Variants in KLF8 observed in about 807,000 individuals in gnomAD.
KLF8 encodes KLF transcription factor 8.
KLF8 carries 10 observed loss-of-function variants against 18.2 expected under a neutral mutation model. That is an observed-to-expected ratio of 0.55 (90% CI 0.34 to 0.93). The LOEUF (loss-of-function observed/expected upper bound fraction) is 0.93, where lower values mean the gene tolerates loss of function less well. Ranked by LOEUF, KLF8 falls within the 40% of genes least tolerant of loss-of-function variation. KLF8 has a pLI of 0.02. For missense variants in KLF8, 264 were observed against 277.9 expected, an observed-to-expected ratio of 0.95 and a Z score of 0.36; for synonymous variants, 109 against 97.3, an observed-to-expected ratio of 1.12 and a Z score of -0.71.
At chrX:55,999,871 A>G in the KLF8 span, among the ~76,000 whole-genome samples, 1 of 112,157 alleles carries the variant, frequency 8.9e-6, no homozygotes, top group Non-Finnish European at 1.9e-5. Flanking sequence ...TAAAACTACC[A>G]GTACTAAGTT....
the KLF8 span, among the ~76,000 whole-genome samples, chrX:56,103,412 G>A: frequency 2.7e-5 from 3 of 111,269 alleles, no homozygotes; most frequent in Non-Finnish European, 5.7e-5. Context: ...AGTTCTCCTT[G>A]AAGAGATCCT....
At chrX:55,952,295 GA>G in the KLF8 span, among the ~76,000 whole-genome samples, 2 of 111,948 alleles carry the variant, frequency 1.8e-5, no homozygotes, top group South Asian at 7.4e-4. Flanking sequence ...CATTTATTTA[GA>G]AAACATTAAA....
At chrX:56,158,922 T>C in the KLF8 span, among the ~76,000 whole-genome samples, 1 of 111,618 alleles carries the variant, frequency 9.0e-6, no homozygotes, top group Non-Finnish European at 1.9e-5. Flanking sequence ...TCCAACACTA[T>C]GTTGAATAGG....
chrX:55,952,079 G>A, the KLF8 span, among the ~76,000 whole-genome samples: 1 of 111,527 alleles, frequency 9.0e-6, no homozygotes, highest in Admixed American at 9.5e-5. Flanking sequence ...TTTCTTGGAG[G>A]GAAAAATACT....
the KLF8 span, among the ~76,000 whole-genome samples, chrX:56,121,462 A>G: frequency 8.9e-6 from 1 of 112,262 alleles, no homozygotes; most frequent in Non-Finnish European, 1.9e-5. Context: ...TTTTGGACTT[A>G]TATCCTGACT....
intron 4 of KLF8, 43 bp downstream of exon 4, chrX:56,269,532 TG>T (rs748127822): frequency 6.9e-5 from 75 of 1,093,670 alleles, no homozygotes; most frequent in Non-Finnish European, 8.1e-5. Context: ...TGTATGTGTG[TG>T]TGTGTGTGTG....
At chrX:55,987,347 C>T in the KLF8 span, among the ~76,000 whole-genome samples, 3 of 110,356 alleles carry the variant, frequency 2.7e-5, no homozygotes, top group African/African-American at 9.9e-5. Context: ...CTATACCTCC[C>T]CCCTCCCCCA....
At chrX:56,273,593 T>G (rs917488324) in intron 5 of KLF8, among the ~76,000 whole-genome samples, 1 of 111,278 alleles carries the variant, frequency 9.0e-6, no homozygotes, top group African/African-American at 3.3e-5. Flanking sequence ...AGTTTGTCAT[T>G]TTGTGCCTGG....
rs1328680634 is a variant in KLF8, at chrX:56,285,594, T to C, written c.*1100T>C. 4.5e-5 allele frequency: 5 copies of C among 112,050 alleles called. No homozygotes were observed. The highest frequency in any genetic ancestry group is 7.5e-5 in the Non-Finnish European group (4 of 53,200). The allele number at this position is 112,050 out of a possible 1,213,427, so 9.2% of individuals were successfully genotyped here. ...GAATGTTGTTCACTCCATGGAATTA[T>C]TGGCATTCATTCCTGTGTTTCAAAT... On this transcript the variant is annotated 3_prime_UTR_variant, in exon 6 of 6. Coordinates refer to ENST00000468660, the MANE Select transcript of KLF8 (RefSeq NM_007250.5).
chrX:56,115,869 C>G, the KLF8 span, among the ~76,000 whole-genome samples: 2 of 111,923 alleles, frequency 1.8e-5, no homozygotes, highest in Non-Finnish European at 3.8e-5. Flanking sequence ...ATACACAGAG[C>G]AAGTAAGTAC....
At chrX:55,961,820 A>C in the KLF8 span, 1 of 280,490 alleles carries the variant, frequency 3.6e-6, no homozygotes, top group Non-Finnish European at 6.7e-6. Flanking sequence ...GTTTTTCTGC[A>C]TGCCTGTGCC....
chrX:56,236,411 G>A (rs1040955369), intron 1 of KLF8, among the ~76,000 whole-genome samples: 6 of 111,889 alleles, frequency 5.4e-5, no homozygotes, highest in Admixed American at 9.5e-5. Flanking sequence ...TGAAAGTGAA[G>A]CAGTGGGAAA....
chrX:56,271,322 A>C (rs948553057), intron 5 of KLF8, among the ~76,000 whole-genome samples: 5 of 111,500 alleles, frequency 4.5e-5, no homozygotes, highest in African/African-American at 1.6e-4. Context: ...TATTATGTGA[A>C]ATGTCCTTGA....
chrX:56,201,292 A>T, the KLF8 span, among the ~76,000 whole-genome samples: 1 of 112,126 alleles, frequency 8.9e-6, no homozygotes, highest in Non-Finnish European at 1.9e-5. Flanking sequence ...AAAAGAAGTA[A>T]ATTCTGCCAT....
the KLF8 span, among the ~76,000 whole-genome samples, chrX:55,934,239 A>C: frequency 8.9e-6 from 1 of 111,853 alleles, no homozygotes; most frequent in South Asian, 3.7e-4. Context: ...CATGGTGTAT[A>C]AAAGGTGCTC....
chrX:56,062,163 T>A, the KLF8 span, among the ~76,000 whole-genome samples: 1 of 109,748 alleles, frequency 9.1e-6, no homozygotes, highest in African/African-American at 3.4e-5. Context: ...CCCGTTTACT[T>A]TTAAGGTTAA....
chrX:56,066,861 G>A, the KLF8 span, among the ~76,000 whole-genome samples: 71 of 110,197 alleles, frequency 6.4e-4, 1 homozygote, highest in Non-Finnish European at 2.8e-4. Flanking sequence ...GTGTCACAAT[G>A]TGTTCTCCAG....
At chrX:56,150,764 C>A in the KLF8 span, among the ~76,000 whole-genome samples, 2 of 111,483 alleles carry the variant, frequency 1.8e-5, no homozygotes, top group African/African-American at 6.5e-5. Context: ...TCCAGAATTG[C>A]AGTCATCTAA....
chrX:56,229,633 T>C (rs1013877019), upstream of KLF8, among the ~76,000 whole-genome samples: 2 of 111,941 alleles, frequency 1.8e-5, no homozygotes, highest in Admixed American at 9.4e-5. Context: ...GCCTTTGACA[T>C]TAACTGTGGT....
Sources: allele counts gnomAD v4.1 joint callset (sites outside exome capture counted in the v4.1 genomes callset), GRCh38; gene constraint gnomAD v4.1.1; transcripts MANE v1.5; gene names NCBI Gene and HGNC (gene_info 2026-07-23, HGNC 2026-07-21).